VGLL4: variants seen among roughly 807,000 people sequenced by gnomAD.
VGLL4 encodes vestigial like family member 4, also known as transcription cofactor vestigial-like protein 4.
A neutral mutation model predicts 21.0 loss-of-function variants in VGLL4; 7 were observed. The ratio of observed to expected loss-of-function variants is 0.33; its 90% CI spans 0.19 to 0.63. VGLL4 has a LOEUF of 0.63. Among genes scored for constraint, VGLL4 ranks in the 20% least tolerant of loss-of-function variants. VGLL4 has a pLI of 0.78. For synonymous variants in VGLL4, 222 were observed against 173.2 expected (o/e 1.28, Z -2.21); for missense variants, 394 against 425.7 (o/e 0.93, Z 0.66).
Position 11,559,341 on chromosome 3 carries a change from G to T in VGLL4, c.610C>A (p.Pro204Thr), listed in dbSNP as rs1030530281. The T allele has an allele frequency of 3.2e-6, 5 of 1,544,380 alleles. No individual in the cohort carries two copies. In the African/African-American group the frequency reaches 5.5e-5, roughly 17 times the overall value. Residue 204 changes from proline to threonine, a missense_variant, in exon 4 of 5, where the codon CCA becomes ACA. Physicochemically the swap from Pro to Thr is conservative, Grantham distance 38. Transcript: ENST00000430365. The part of the protein sequence containing the change: ...AAPGPASYRR[P>T]PSAATTCDPV... ...GGCCCGGGACACTCACCGCTCGGTG[G>T]CCTCCGGTAGCTGGCAGGCCCGGGC...
At chr3:11,601,299 G>A (rs2074790967) in intron 2 of VGLL4, among the ~76,000 whole-genome samples, 1 of 152,206 alleles carries the variant, frequency 6.6e-6, no homozygotes, top group Non-Finnish European at 1.5e-5. Flanking sequence ...ATGAGCATAG[G>A]AAGCTGGCTT....
chr3:11,564,833 G>A lies in VGLL4; in HGVS notation c.459C>T (p.Gly153=). The A allele has an allele frequency of 1.3e-6, 2 of 1,594,394 alleles. No homozygotes were observed. Among genetic ancestry groups the A allele is most frequent in the Non-Finnish European group, 1.7e-6 (2 of 1,172,052 alleles). Residue 153 remains glycine (G), a synonymous_variant, in exon 3 of 5, where the codon GGC becomes GGT. Transcript: ENST00000430365. ...KNSLDASRPA[G]LSPTLTPGER... ...CCCCCGGGGTCAGTGTGGGCGAGAG[G>A]CCGGCTGGCCTGCTGGCGTCCAGGC...
intron 2 of VGLL4, among the ~76,000 whole-genome samples, chr3:11,691,954 G>A (rs2076531954): frequency 7.5e-6 from 1 of 133,404 alleles, no homozygotes; most frequent in Admixed American, 8.5e-5. Flanking sequence ...AGAGAGAAGA[G>A]ATGATGGGTA....
At chr3:11,709,011 A>C (rs2125411015) in intron 1 of VGLL4, among the ~76,000 whole-genome samples, 3 of 152,044 alleles carry the variant, frequency 2.0e-5, no homozygotes, top group Admixed American at 2.0e-4. Flanking sequence ...CAGTGAGCCG[A>C]GATTGGGAAA....
At chr3:11,623,004 T>G (rs1373680939) in intron 1 of VGLL4, among the ~76,000 whole-genome samples, 1 of 152,206 alleles carries the variant, frequency 6.6e-6, no homozygotes, top group Non-Finnish European at 1.5e-5. Flanking sequence ...CTTAAATAGC[T>G]GAGGTAGCAA....
At chr3:11,644,034 A>G, upstream of VGLL4, 1 of 974,476 alleles carries the variant, frequency 1.0e-6, no homozygotes, top group African/African-American at 1.8e-5. Flanking sequence ...CAATGTAGCA[A>G]GTGTTGGAAA....
intron 2 of VGLL4, among the ~76,000 whole-genome samples, chr3:11,687,713 A>T (rs1056014679): frequency 1.3e-5 from 2 of 152,222 alleles, no homozygotes; most frequent in African/African-American, 4.8e-5. Context: ...TTAAGTCTCT[A>T]ATCAGTCCTA....
chr3:11,668,843 C>T (rs956584854), intron 2 of VGLL4, among the ~76,000 whole-genome samples: 1 of 152,222 alleles, frequency 6.6e-6, no homozygotes, highest in African/African-American at 2.4e-5. Context: ...CATCTCCCAA[C>T]TAACCATCCC....
intron 1 of VGLL4, among the ~76,000 whole-genome samples, chr3:11,638,252 G>A (rs780414533): frequency 9.2e-5 from 14 of 152,088 alleles, no homozygotes; most frequent in Admixed American, 2.0e-4. Context: ...ACAAGGCCAC[G>A]CAGACAATAG....
intron 2 of VGLL4, among the ~76,000 whole-genome samples, chr3:11,693,505 C>T (rs1337589357): frequency 1.3e-5 from 2 of 152,192 alleles, no homozygotes; most frequent in Admixed American, 1.3e-4. Flanking sequence ...CCCCATGACA[C>T]TCCCTTCTAT....
At chr3:11,582,148 C>G (rs2074245168) in intron 2 of VGLL4, 1 of 1,031,122 alleles carries the variant, frequency 9.7e-7, no homozygotes, top group Non-Finnish European at 1.5e-6. Flanking sequence ...GCTGTCCCTT[C>G]TAAGCAAAGA....
intron 1 of VGLL4, among the ~76,000 whole-genome samples, chr3:11,640,299 G>A (rs900333312): frequency 2.6e-5 from 4 of 152,062 alleles, no homozygotes; most frequent in Non-Finnish European, 4.4e-5. Context: ...CGAGGCTTTC[G>A]CCAGTCTAGT....
At chr3:11,705,034 T>C (rs1231280135) in intron 1 of VGLL4, among the ~76,000 whole-genome samples, 2 of 151,954 alleles carry the variant, frequency 1.3e-5, no homozygotes, top group African/African-American at 2.4e-5. Context: ...AAGAGTAAAA[T>C]GGGGACAGAA....
chr3:11,591,912 C>T (rs896331110), intron 2 of VGLL4, among the ~76,000 whole-genome samples: 2 of 152,218 alleles, frequency 1.3e-5, no homozygotes, highest in African/African-American at 2.4e-5. Flanking sequence ...CTAAAAATCC[C>T]GATGTAACAA....
At chr3:11,648,154 T>A (rs1575492922), upstream of VGLL4, among the ~76,000 whole-genome samples, 1 of 152,314 alleles carries the variant, frequency 6.6e-6, no homozygotes, top group Admixed American at 6.5e-5. Context: ...GTTCTTTTTC[T>A]ACGAATGAAT....
chr3:11,685,918 T>C (rs992209332), intron 2 of VGLL4, among the ~76,000 whole-genome samples: 3 of 152,158 alleles, frequency 2.0e-5, no homozygotes, highest in African/African-American at 7.2e-5. Context: ...GCTATACAAA[T>C]AGCCAACCGG....
At chr3:11,644,901 G>T (rs1283391701), upstream of VGLL4, among the ~76,000 whole-genome samples, 1 of 150,728 alleles carries the variant, frequency 6.6e-6, no homozygotes, top group Non-Finnish European at 1.5e-5. Flanking sequence ...GAGAAGAGAT[G>T]GAAGAGTGTT....
At chr3:11,638,007 A>G (rs2075620682) in intron 1 of VGLL4, among the ~76,000 whole-genome samples, 1 of 152,244 alleles carries the variant, frequency 6.6e-6, no homozygotes, top group African/African-American at 2.4e-5. Context: ...AAAGATCGCC[A>G]GAAACATTCC....
At chr3:11,601,388 A>C (rs2074793401) in intron 2 of VGLL4, among the ~76,000 whole-genome samples, 1 of 152,098 alleles carries the variant, frequency 6.6e-6, no homozygotes, top group Non-Finnish European at 1.5e-5. Flanking sequence ...ACAATCCTAG[A>C]CTCCTGAGTA....
Sources: gnomAD v4.1 joint callset for allele counts (sites outside exome capture counted in the v4.1 genomes callset) on GRCh38, gnomAD v4.1.1 for gene constraint, MANE v1.5 for transcripts, NCBI Gene and HGNC (gene_info 2026-07-23, HGNC 2026-07-21) for gene names.